The following DNAJC1 variants were observed in gnomAD, a reference collection of about 807,000 sequenced individuals.
DNAJC1 encodes dnaJ homolog subfamily C member 1.
Under a neutral mutation model 76.6 loss-of-function variants are expected in DNAJC1, and 58 were observed. The ratio of observed to expected loss-of-function variants is 0.76; its 90% confidence interval spans 0.61 to 0.94. The LOEUF (loss-of-function observed/expected upper bound fraction) is 0.94. Among genes scored for constraint, DNAJC1 ranks in the 40% least tolerant of loss-of-function variants. The pLI, the probability that DNAJC1 is intolerant of heterozygous loss-of-function variation, is 0.00. For synonymous variants in DNAJC1, 258 were observed against 267.9 expected, an observed-to-expected ratio of 0.96 and a Z score of 0.36; for missense variants, 689 against 677.3, an observed-to-expected ratio of 1.02 and a Z score of -0.19.
At chr10:21,920,093 T>C (rs1317588877) in intron 4 of DNAJC1, among the ~76,000 whole-genome samples, 164 bp from the exon 5 acceptor site, 1 of 152,034 alleles carries the variant, frequency 6.6e-6, no homozygotes, top group Non-Finnish European at 1.5e-5. Flanking sequence ...ACAATAACTG[T>C]TGCCATGGTA....
At chr10:21,999,426 T>G (rs914962588) in intron 1 of DNAJC1, among the ~76,000 whole-genome samples, 2 of 151,898 alleles carry the variant, frequency 1.3e-5, no homozygotes, top group Admixed American at 1.3e-4. Flanking sequence ...ATCTTCTTTG[T>G]TGATTCCCCT....
At chr10:21,986,956 C>T (rs1411596915) in intron 1 of DNAJC1, among the ~76,000 whole-genome samples, 7 of 151,954 alleles carry the variant, frequency 4.6e-5, no homozygotes, top group Admixed American at 1.3e-4. Context: ...TTAGTAGAGA[C>T]GGGGTTTCAC....
intron 8 of DNAJC1, among the ~76,000 whole-genome samples, chr10:21,877,671 T>A (rs546405354): frequency 6.6e-6 from 1 of 152,330 alleles, no homozygotes; most frequent in Non-Finnish European, 1.5e-5. Context: ...TGACCAAGCA[T>A]TGGCAAAAAT....
chr10:21,959,283 C>A (rs574821207), intron 1 of DNAJC1, among the ~76,000 whole-genome samples: 2 of 151,778 alleles, frequency 1.3e-5, no homozygotes, highest in African/African-American at 2.4e-5. Context: ...TGCCACCAGG[C>A]CCGGCTAATT....
At chr10:21,896,895 C>A (rs1320493157) in intron 7 of DNAJC1, among the ~76,000 whole-genome samples, 3 of 152,196 alleles carry the variant, frequency 2.0e-5, no homozygotes, top group East Asian at 1.9e-4. Context: ...AAGACTCTTA[C>A]AAAAGAGACT....
At chr10:21,881,691 A>G (rs191055296) in intron 8 of DNAJC1, among the ~76,000 whole-genome samples, 4 of 152,154 alleles carry the variant, frequency 2.6e-5, no homozygotes, top group Non-Finnish European at 5.9e-5. Context: ...CACTGATCAC[A>G]GATGACCATA....
At chr10:22,002,364 G>A (rs1183189551) in intron 1 of DNAJC1, among the ~76,000 whole-genome samples, 10 of 152,052 alleles carry the variant, frequency 6.6e-5, no homozygotes, top group African/African-American at 2.4e-4. Context: ...GTAGAGACTG[G>A]ATATCTACCC....
At position 21,897,181 on chromosome 10, in the gene DNAJC1, T is replaced by C. The variant is rs549828660; in HGVS notation, c.820+7341A>G. Among the ~76,000 whole-genome samples, 10 of 152,284 alleles carry C rather than the reference T, an allele frequency of 6.6e-5. No individual in the cohort carries two copies. In the East Asian group the frequency reaches 1.7e-3, roughly 26 times the overall value. ...TACAGACCAGTATCTCTCATGAATA[T>C]AGATGTAAAATTCTTTAACAAAATA... On this transcript the variant is annotated intron_variant, in intron 7 of 11. Coordinates refer to ENST00000376980, the MANE Select transcript of DNAJC1 (RefSeq NM_022365.4).
At chr10:21,881,669 A>G (rs1590030145) in intron 8 of DNAJC1, among the ~76,000 whole-genome samples, 1 of 151,994 alleles carries the variant, frequency 6.6e-6, no homozygotes, top group East Asian at 1.9e-4. Context: ...TTATAACAGT[A>G]ACGTCAGAGG....
intron 8 of DNAJC1, among the ~76,000 whole-genome samples, chr10:21,837,662 C>T (rs1166145205): frequency 6.7e-6 from 1 of 150,174 alleles, no homozygotes; most frequent in Non-Finnish European, 1.5e-5. Context: ...AAGTGAGGAG[C>T]CCCTCCGCCC....
intron 1 of DNAJC1, among the ~76,000 whole-genome samples, chr10:22,000,889 G>A (rs1838507544): frequency 6.6e-6 from 1 of 152,196 alleles, no homozygotes; most frequent in Non-Finnish European, 1.5e-5. Flanking sequence ...AGAATTGTGA[G>A]AAATCAAGTT....
rs149014614 is a variant in DNAJC1 at position 21,784,710 on chromosome 10, C to T, written c.1099-18401G>A. Among the ~76,000 whole-genome samples the T allele has an allele frequency of 7.6e-3, 1,153 of 152,286 alleles. 8 individuals carry two copies. The highest frequency in any genetic ancestry group is 0.01 in the Non-Finnish European group (697 of 68,034). On this transcript the variant is annotated intron_variant, in intron 9 of 11. Coordinates refer to ENST00000376980, the MANE Select transcript of DNAJC1 (RefSeq NM_022365.4). ...TGTGGCACATATACACAATGGAATACTATGTAGTCATAAAAAAGGATGAGT... is the reference window on the plus strand; with the variant it reads ...TGTGGCACATATACACAATGGAATATTATGTAGTCATAAAAAAGGATGAGT...
At chr10:21,783,193 T>C (rs547854497) in intron 9 of DNAJC1, among the ~76,000 whole-genome samples, 1 of 152,318 alleles carries the variant, frequency 6.6e-6, no homozygotes, top group South Asian at 2.1e-4. Context: ...GATAAGCAAC[T>C]TCAGCAAAGT....
chr10:21,814,349 C>G (rs966961532), intron 8 of DNAJC1, among the ~76,000 whole-genome samples: 2 of 152,162 alleles, frequency 1.3e-5, no homozygotes, highest in African/African-American at 4.8e-5. Context: ...AGCCTCAGGT[C>G]TGTACCACTG....
At chr10:21,804,049 A>G in intron 9 of DNAJC1, 1 of 757,342 alleles carries the variant, frequency 1.3e-6, no homozygotes, top group Non-Finnish European at 1.6e-6. Flanking sequence ...TGCTTTTGAC[A>G]GCACCAAGAC....
At chr10:21,806,492 T>C (rs888984678) in intron 8 of DNAJC1, among the ~76,000 whole-genome samples, 11 of 151,616 alleles carry the variant, frequency 7.3e-5, no homozygotes, top group African/African-American at 2.7e-4. Flanking sequence ...ATAAAGTTAC[T>C]ATTAAAGGGC....
At chr10:21,903,647 G>A (rs1219766358) in intron 7 of DNAJC1, among the ~76,000 whole-genome samples, 1 of 152,128 alleles carries the variant, frequency 6.6e-6, no homozygotes, top group Non-Finnish European at 1.5e-5. Context: ...TACAGACACA[G>A]AGATGAACAG....
intron 3 of DNAJC1, among the ~76,000 whole-genome samples, chr10:21,923,378 G>C (rs575811797): frequency 2.6e-5 from 4 of 152,062 alleles, no homozygotes; most frequent in African/African-American, 7.2e-5. Context: ...AGTACACACA[G>C]ACACTTTTCA....
intron 9 of DNAJC1, among the ~76,000 whole-genome samples, chr10:21,769,666 T>C (rs960882200): frequency 6.6e-6 from 1 of 152,176 alleles, no homozygotes; most frequent in African/African-American, 2.4e-5. Context: ...AACCAAAAAC[T>C]AAACTCATCA....
Sources: gnomAD v4.1 joint callset for allele counts (sites outside exome capture counted in the v4.1 genomes callset) on GRCh38, gnomAD v4.1.1 for gene constraint, MANE v1.5 for transcripts, NCBI Gene and HGNC (gene_info 2026-07-23, HGNC 2026-07-21) for gene names.